LINGO2: variants seen among roughly 807,000 people sequenced by gnomAD.
The protein encoded by LINGO2 is leucine-rich repeat and immunoglobulin-like domain-containing nogo receptor-interacting protein 2.
A neutral mutation model predicts 30.6 loss-of-function variants in LINGO2; 14 were observed. That is an observed-to-expected ratio of 0.46 (90% CI 0.30 to 0.72). LINGO2 has a LOEUF of 0.72. LINGO2 is among the 30% of genes least tolerant of loss of function. The pLI, the probability that LINGO2 is intolerant of heterozygous loss-of-function variation, is 0.07. For synonymous variants in LINGO2, 317 were observed against 288.5 expected, an observed-to-expected ratio of 1.10 and a Z score of -1.00; for missense variants, 729 against 751.7, an observed-to-expected ratio of 0.97 and a Z score of 0.35.
At chr9:28,900,832 A>G in the LINGO2 span, among the ~76,000 whole-genome samples, 3 of 152,192 alleles carry the variant, frequency 2.0e-5, no homozygotes, top group Non-Finnish European at 4.4e-5. Context: ...TCTAAAAGTG[A>G]AAATTTATTA....
intron 1 of LINGO2, among the ~76,000 whole-genome samples, chr9:28,659,898 C>G (rs1021996639): frequency 1.3e-5 from 2 of 152,038 alleles, no homozygotes; most frequent in Non-Finnish European, 2.9e-5. Context: ...CCTTCATAGA[C>G]AAACAAAAAT....
chr9:28,173,092 T>A (rs1031167543), intron 4 of LINGO2, among the ~76,000 whole-genome samples: 1 of 152,196 alleles, frequency 6.6e-6, no homozygotes, highest in Non-Finnish European at 1.5e-5. Flanking sequence ...TTCAAAATAC[T>A]CTCATTGATT....
chr9:29,155,329 A>G, the LINGO2 span, among the ~76,000 whole-genome samples: 2 of 152,074 alleles, frequency 1.3e-5, no homozygotes, highest in African/African-American at 4.8e-5. Flanking sequence ...TAAATTTTTT[A>G]AAGTAGGGGT....
At chr9:28,932,773 G>A in the LINGO2 span, among the ~76,000 whole-genome samples, 2 of 151,878 alleles carry the variant, frequency 1.3e-5, no homozygotes, top group African/African-American at 4.8e-5. Flanking sequence ...TTACCACCCA[G>A]CTACTTCTCA....
At chr9:28,189,629 G>GAGGAAGAAAGGAAGGAAGGA (rs1819724896) in intron 4 of LINGO2, among the ~76,000 whole-genome samples, 2 of 4,984 alleles carry the variant, frequency 4.0e-4, no homozygotes, top group African/African-American at 1.4e-3. Flanking sequence ...GGGAGGAAGG[G>GAGGAAGAAAGGAAGGAAGGA]AGGGAGGAAG....
At chr9:28,293,294 C>T (rs1313049272) in intron 4 of LINGO2, among the ~76,000 whole-genome samples, 1 of 151,992 alleles carries the variant, frequency 6.6e-6, no homozygotes, top group Admixed American at 6.6e-5. Flanking sequence ...GATGAGGTCT[C>T]ACTTTGTTGT....
At chr9:28,787,779 ATTC>A in the LINGO2 span, among the ~76,000 whole-genome samples, 1 of 152,208 alleles carries the variant, frequency 6.6e-6, no homozygotes, top group African/African-American at 2.4e-5. Flanking sequence ...CTGTAAATAC[ATTC>A]ATCATTGCTT....
chr9:28,089,376 C>T (rs1233929641), intron 4 of LINGO2, among the ~76,000 whole-genome samples: 2 of 152,178 alleles, frequency 1.3e-5, no homozygotes, highest in African/African-American at 2.4e-5. Flanking sequence ...TCTCAGACCA[C>T]AGTGCAATCA....
the LINGO2 span, among the ~76,000 whole-genome samples, chr9:29,185,423 G>C: frequency 6.6e-6 from 1 of 152,050 alleles, no homozygotes; most frequent in African/African-American, 2.4e-5. Flanking sequence ...TGCCACATAT[G>C]CCTATTATTT....
In LINGO2 at chr9:28,329,775, C is replaced by G. The variant is rs957057169; in HGVS notation, c.-245-34409G>C. Among the ~76,000 whole-genome samples the G allele has an allele frequency of 2.6e-5, 4 of 152,080 alleles. No individual in the cohort carries two copies. Among genetic ancestry groups the G allele is most frequent in the Non-Finnish European group, 5.9e-5 (4 of 68,018 alleles). On this transcript the variant is annotated intron_variant, in intron 3 of 5. Transcript: ENST00000379992. The surrounding 1 kb of genome is among the most constrained non-coding windows in gnomAD (Gnocchi z 4.5). Reference sequence around the variant, plus strand: ...CATGACCTTTTCCATGCAGACCATCCTGACCCCACCCTGAATTAGATAGCC... The same window carrying G: ...CATGACCTTTTCCATGCAGACCATCGTGACCCCACCCTGAATTAGATAGCC...
At chr9:28,620,166 G>A (rs1401492787) in intron 1 of LINGO2, among the ~76,000 whole-genome samples, 3 of 150,750 alleles carry the variant, frequency 2.0e-5, no homozygotes, top group Admixed American at 6.6e-5. Context: ...TCTCCTAACT[G>A]AGGTAAATAC....
intron 4 of LINGO2, among the ~76,000 whole-genome samples, chr9:28,098,584 A>G (rs923556276): frequency 6.6e-6 from 1 of 152,016 alleles, no homozygotes; most frequent in African/African-American, 2.4e-5. Flanking sequence ...TTTTTCGTCT[A>G]TATACTAAAT....
intron 4 of LINGO2, chr9:28,149,351 C>T: frequency 2.2e-6 from 1 of 459,586 alleles, no homozygotes. Context: ...CCGGCTGCTC[C>T]ACCGTCTGGG....
chr9:28,032,859 G>A (rs1823750299), intron 4 of LINGO2, among the ~76,000 whole-genome samples: 1 of 152,208 alleles, frequency 6.6e-6, no homozygotes, highest in Non-Finnish European at 1.5e-5. Context: ...TACAACAGAA[G>A]GGATACAATT....
At chr9:29,120,390 G>T in the LINGO2 span, among the ~76,000 whole-genome samples, 1 of 152,070 alleles carries the variant, frequency 6.6e-6, no homozygotes, top group African/African-American at 2.4e-5. Flanking sequence ...CCAAAAACGG[G>T]TCTAAGAAAG....
At chr9:28,848,315 T>C in the LINGO2 span, among the ~76,000 whole-genome samples, 3 of 131,964 alleles carry the variant, frequency 2.3e-5, no homozygotes, top group Non-Finnish European at 4.8e-5. Flanking sequence ...TATACGCATA[T>C]ATAGTGTATA....
At chr9:29,125,085 A>G in the LINGO2 span, among the ~76,000 whole-genome samples, 5 of 152,212 alleles carry the variant, frequency 3.3e-5, no homozygotes, top group Non-Finnish European at 7.3e-5. Context: ...CAGCCATAAA[A>G]AAGAATGAGT....
At chr9:29,137,892 G>C in the LINGO2 span, among the ~76,000 whole-genome samples, 1 of 152,098 alleles carries the variant, frequency 6.6e-6, no homozygotes, top group Admixed American at 6.6e-5. Flanking sequence ...CTGTAAAATG[G>C]AGAAAATAAT....
intron 1 of LINGO2, among the ~76,000 whole-genome samples, chr9:28,479,845 C>CTGTGTGTGTGTG (rs528584169): frequency 5.5e-4 from 33 of 60,164 alleles, no homozygotes; most frequent in South Asian, 2.4e-3. Flanking sequence ...ACCATGTCAT[C>CTGTGTGTGTGTG]TGTGTGTGTG....
Sources: allele counts gnomAD v4.1 joint callset (sites outside exome capture counted in the v4.1 genomes callset), GRCh38; gene constraint gnomAD v4.1.1; non-coding constraint Gnocchi (gnomAD v3.1); transcripts MANE v1.5; gene names NCBI Gene and HGNC (gene_info 2026-07-23, HGNC 2026-07-21).